Variants in ACTN1 observed in about 807,000 individuals in gnomAD.
ACTN1 encodes the protein actinin alpha 1.
A neutral mutation model predicts 119.6 loss-of-function variants in ACTN1; 30 were observed. That is an observed-to-expected ratio of 0.25 (90% CI 0.19 to 0.34). ACTN1 has a LOEUF of 0.34. Among genes scored for constraint, ACTN1 ranks in the 10% least tolerant of loss-of-function variants. ACTN1 has a pLI of 1.00. For synonymous variants in ACTN1, 429 were observed against 472.6 expected (o/e 0.91, Z 1.20); for missense variants, 764 against 1,223.4 (o/e 0.62, Z 5.60).
At chr14:68,941,774 G>A (rs1018517424) in intron 1 of ACTN1, among the ~76,000 whole-genome samples, 1 of 152,104 alleles carries the variant, frequency 6.6e-6, no homozygotes, top group Non-Finnish European at 1.5e-5. Context: ...TCTACTAAAC[G>A]GTCCCAGGTA....
At chr14:68,956,689 C>A (rs1470985937) in intron 1 of ACTN1, among the ~76,000 whole-genome samples, 1 of 152,176 alleles carries the variant, frequency 6.6e-6, no homozygotes, top group African/African-American at 2.4e-5. Context: ...TCACTGAATA[C>A]AGCTTAGGCA....
intron 6 of ACTN1, among the ~76,000 whole-genome samples, chr14:68,905,427 G>T (rs972287528): frequency 6.6e-6 from 1 of 152,170 alleles, no homozygotes; most frequent in African/African-American, 2.4e-5. Flanking sequence ...GTATTACATG[G>T]TCCTACAATT....
chr14:68,901,659 CTACCA>C (rs983954355), intron 8 of ACTN1, among the ~76,000 whole-genome samples: 1 of 152,222 alleles, frequency 6.6e-6, no homozygotes, highest in African/African-American at 2.4e-5. Context: ...GGAGTCCTGC[CTACCA>C]GGGAGGTCTG....
At chr14:68,963,099 C>T (rs1333977144) in intron 1 of ACTN1, among the ~76,000 whole-genome samples, 1 of 152,124 alleles carries the variant, frequency 6.6e-6, no homozygotes, top group Non-Finnish European at 1.5e-5. Flanking sequence ...ACACCCTTTG[C>T]AGGCCCACCT....
chr14:68,876,677 T>C (rs748671697), intron 21 of ACTN1, among the ~76,000 whole-genome samples: 12 of 152,188 alleles, frequency 7.9e-5, no homozygotes, highest in Non-Finnish European at 1.5e-4. Flanking sequence ...CATGCTTCCT[T>C]CCTGGGTCCC....
chr14:68,907,948 A>G (rs1332350505), intron 6 of ACTN1, among the ~76,000 whole-genome samples: 1 of 152,188 alleles, frequency 6.6e-6, no homozygotes, highest in Non-Finnish European at 1.5e-5. Flanking sequence ...CACCTGTAGA[A>G]TATTCCCCCT....
chr14:68,932,043 CTA>C (rs1244816805), intron 1 of ACTN1, among the ~76,000 whole-genome samples: 1 of 151,850 alleles, frequency 6.6e-6, no homozygotes, highest in Non-Finnish European at 1.5e-5. Context: ...AAGGTGCACA[CTA>C]CCATGCCCAG....
chr14:68,891,105 C>A (rs1031809224), intron 10 of ACTN1, among the ~76,000 whole-genome samples: 1 of 152,226 alleles, frequency 6.6e-6, no homozygotes, highest in African/African-American at 2.4e-5. Context: ...TATTCTCCCT[C>A]CATGACCCCC....
At chr14:68,933,547 T>C (rs908474486) in intron 1 of ACTN1, among the ~76,000 whole-genome samples, 3 of 152,146 alleles carry the variant, frequency 2.0e-5, no homozygotes, top group Non-Finnish European at 4.4e-5. Context: ...TATACTAGGG[T>C]GCATGAGAGC....
Position 68,881,275 on chromosome 14 carries a change from C to A in ACTN1, c.1954-286G>T, listed in dbSNP as rs187605274. Among the ~76,000 whole-genome samples the A allele has an allele frequency of 2.4e-4, 37 of 152,294 alleles. 1 individual carries two copies. The highest frequency in any genetic ancestry group is 8.4e-4 in the African/African-American group (35 of 41,548). ...TCAGAAAGGGGATGCAGGGTCAGTT[C>A]TAACCTAAATATTCACTCCTCTGCT... On this transcript the variant is annotated intron_variant, in intron 16 of 21. Transcript: ENST00000394419.
chr14:68,931,254 C>G (rs1213403730), intron 1 of ACTN1, among the ~76,000 whole-genome samples: 1 of 152,226 alleles, frequency 6.6e-6, no homozygotes, highest in Non-Finnish European at 1.5e-5. Context: ...AGCATTGGCA[C>G]AGAGAGTCTG....
intron 1 of ACTN1, among the ~76,000 whole-genome samples, chr14:68,942,187 C>T (rs1247452831): frequency 8.0e-5 from 12 of 150,038 alleles, no homozygotes; most frequent in Admixed American, 6.7e-4. Context: ...CAGGAACCTA[C>T]GCAACAGGCA....
intron 14 of ACTN1, 75 bp downstream of exon 14, chr14:68,884,093 T>C (rs2140101614): frequency 1.4e-6 from 2 of 1,471,416 alleles, no homozygotes; most frequent in South Asian, 1.3e-5. Flanking sequence ...GGGGCAGTCC[T>C]GCAAAAGTGA....
Position 68,879,823 on chromosome 14 carries a change from G to A in ACTN1, c.2280+139C>T. On this transcript the variant is annotated intron_variant, in intron 18 of 21. Transcript: ENST00000394419. This position sits in a 1 kb window ranked among gnomAD's most constrained non-coding sequence, Gnocchi z 4.9. ...AGGCTGGTTTTGCAGGGTGCATTGA[G>A]TCAGGGCAGGCTGACGGCAGTTTCC... 1 of 1,267,430 alleles carries A rather than the reference G, an allele frequency of 7.9e-7. No homozygotes were observed. The highest frequency in any genetic ancestry group is 1.1e-6 in the Non-Finnish European group (1 of 927,746). 78.5% of individuals were successfully genotyped at this position (1,267,430 alleles called of 1,614,324 possible).
At chr14:68,928,259 C>A (rs545917272) in intron 1 of ACTN1, among the ~76,000 whole-genome samples, 1 of 152,284 alleles carries the variant, frequency 6.6e-6, no homozygotes, top group South Asian at 2.1e-4. Flanking sequence ...CAGCCAGCCC[C>A]CTTTCCTGGA....
chr14:68,965,866 T>G (rs1307214833), intron 1 of ACTN1, among the ~76,000 whole-genome samples: 1 of 152,220 alleles, frequency 6.6e-6, no homozygotes, highest in Non-Finnish European at 1.5e-5. Context: ...GTTCGCCGAA[T>G]AGTTAACTTC....
intron 8 of ACTN1, among the ~76,000 whole-genome samples, chr14:68,900,442 C>T (rs981664215): frequency 5.3e-5 from 8 of 151,888 alleles, no homozygotes; most frequent in Admixed American, 4.6e-4. Flanking sequence ...TCTCCCTGCT[C>T]TGGCTGCTGG....
chr14:68,929,593 T>A (rs2035116694), intron 1 of ACTN1, among the ~76,000 whole-genome samples: 1 of 152,134 alleles, frequency 6.6e-6, no homozygotes, highest in Non-Finnish European at 1.5e-5. Flanking sequence ...CTTCAGTGGA[T>A]ACACTCCGTT....
chr14:68,937,921 T>C (rs1352963308), intron 1 of ACTN1, among the ~76,000 whole-genome samples: 2 of 152,246 alleles, frequency 1.3e-5, no homozygotes, highest in Admixed American at 1.3e-4. Flanking sequence ...TTGAGTCCTC[T>C]GCAGCATCCA....
Sources: gnomAD v4.1 joint callset for allele counts (sites outside exome capture counted in the v4.1 genomes callset) on GRCh38, gnomAD v4.1.1 for gene constraint, Gnocchi (gnomAD v3.1) non-coding constraint, MANE v1.5 for transcripts, NCBI Gene and HGNC (gene_info 2026-07-23, HGNC 2026-07-21) for gene names.